RCOR3: variants seen among roughly 807,000 people sequenced by gnomAD.
The protein encoded by RCOR3 is REST corepressor 3.
Under a neutral mutation model 64.1 loss-of-function variants are expected in RCOR3, and 13 were observed. That is an observed-to-expected ratio of 0.20 (90% CI 0.13 to 0.32). The LOEUF is 0.32. Among genes scored for constraint, RCOR3 ranks in the 10% least tolerant of loss-of-function variants. The pLI, the probability that RCOR3 is intolerant of heterozygous loss-of-function variation, is 1.00. For synonymous variants in RCOR3, 215 were observed against 239.0 expected (o/e 0.90, Z 0.93); for missense variants, 489 against 701.2 (o/e 0.70, Z 3.42).
chr1:211,304,216 C>T lies in RCOR3; in HGVS notation c.1075+76C>T, dbSNP rs535828250. On this transcript the variant is annotated intron_variant, in intron 10 of 11. Coordinates refer to ENST00000419091, the MANE Select transcript of RCOR3 (RefSeq NM_001136223.3). The stretch of plus-strand genomic sequence containing the variant: ...TGAAAGGTGACTACTCTAGTTCTTC[C>T]CTTCCTTTAGAAATTGATCAAGAAA... 5 of 1,054,866 alleles carry T rather than the reference C, an allele frequency of 4.7e-6. No homozygotes were observed. The South Asian group carries it at 9.3e-5, about 20-fold the overall frequency. 65.3% of individuals were successfully genotyped at this position (1,054,866 alleles called of 1,614,324 possible). A position where few individuals can be genotyped will look rare whatever the true frequency, so the allele number is the denominator to read the frequency against.
At chr1:211,284,889 A>T (rs1698318110) in intron 7 of RCOR3, among the ~76,000 whole-genome samples, 1 of 152,194 alleles carries the variant, frequency 6.6e-6, no homozygotes, top group African/African-American at 2.4e-5. Flanking sequence ...TTTATTTTAT[A>T]TGAGGCTTAC....
At chr1:211,282,737 G>T (rs1340525062) in intron 7 of RCOR3, among the ~76,000 whole-genome samples, 1 of 152,138 alleles carries the variant, frequency 6.6e-6, no homozygotes, top group East Asian at 1.9e-4. Flanking sequence ...GACCTCAGGT[G>T]ATCCACCTGC....
Position 211,259,429 on chromosome 1 carries a change from C to T in RCOR3, c.-132C>T, listed in dbSNP as rs1693765527. Reference sequence around the variant, plus strand: ...GGTTATGGCGGCTCCATATTAACAGCCTCCTCCTCCTCCGCCGCCGCCGCC... The same window carrying T: ...GGTTATGGCGGCTCCATATTAACAGTCTCCTCCTCCTCCGCCGCCGCCGCC... On this transcript the variant is annotated 5_prime_UTR_variant, in exon 1 of 12. Coordinates refer to ENST00000419091, the MANE Select transcript of RCOR3 (RefSeq NM_001136223.3). The T allele has an allele frequency of 3.5e-6, 3 of 862,376 alleles. No homozygotes were observed. Among genetic ancestry groups the T allele is most frequent in the Non-Finnish European group, 5.2e-6 (3 of 575,496 alleles). 53.4% of individuals were successfully genotyped at this position (862,376 alleles called of 1,614,324 possible). A position where few individuals can be genotyped will look rare whatever the true frequency, so the allele number is the denominator to read the frequency against.
chr1:211,300,906 A>G (rs4027091), intron 9 of RCOR3, among the ~76,000 whole-genome samples: 145,226 of 151,920 alleles, frequency 0.96, 69,473 homozygotes, highest in East Asian at 1. Flanking sequence ...TCTAGTGTGT[A>G]TGCGTGCGTG....
At chr1:211,309,057 C>T (rs1255701000) in intron 10 of RCOR3, among the ~76,000 whole-genome samples, 2 of 131,738 alleles carry the variant, frequency 1.5e-5, no homozygotes, top group African/African-American at 5.8e-5. Context: ...CCAAAGGTAG[C>T]TATCCATGCT....
intron 2 of RCOR3, among the ~76,000 whole-genome samples, chr1:211,262,102 A>T (rs1694426184): frequency 8.8e-6 from 1 of 113,912 alleles, no homozygotes; most frequent in South Asian, 3.4e-4. Context: ...CAGTGGCGTA[A>T]TCTCGGCTCA....
chr1:211,259,972 C>G (rs1164671016), intron 1 of RCOR3, 136 bp from the exon 2 acceptor site: 1 of 1,373,084 alleles, frequency 7.3e-7, no homozygotes, highest in Admixed American at 3.2e-5. Context: ...CCCGGAGTGC[C>G]CCGAGTTGAT....
intron 2 of RCOR3, 50 bp downstream of exon 2, chr1:211,260,214 G>A: frequency 6.4e-7 from 1 of 1,566,392 alleles, no homozygotes; most frequent in Non-Finnish European, 8.8e-7. Context: ...CCTGGGCTTG[G>A]TTTGGGGTGG....
intron 2 of RCOR3, 86 bp downstream of exon 2, chr1:211,260,250 C>G: frequency 7.8e-7 from 1 of 1,281,688 alleles, no homozygotes; most frequent in South Asian, 1.2e-5. Context: ...GGGCATGGGG[C>G]CGGGAGGGGA....
intron 8 of RCOR3, among the ~76,000 whole-genome samples, chr1:211,294,367 G>GT (rs1254662835): frequency 1.3e-5 from 2 of 151,246 alleles, no homozygotes; most frequent in South Asian, 2.1e-4. Flanking sequence ...CAACCTTCAG[G>GT]TTTTTTTTCA....
At chr1:211,283,655 G>GT (rs1436389583) in intron 7 of RCOR3, among the ~76,000 whole-genome samples, 5 of 151,886 alleles carry the variant, frequency 3.3e-5, no homozygotes, top group Admixed American at 6.6e-5. Flanking sequence ...TTTTTGTTTT[G>GT]TTTTTTTAGA....
rs904915944 is a variant in RCOR3 at position 211,262,416 on chromosome 1, T to A, written c.223+2252T>A. Among the ~76,000 whole-genome samples, 20 of 152,202 alleles carry A rather than the reference T, an allele frequency of 1.3e-4. 1 individual carries two copies. Among genetic ancestry groups the A allele is most frequent in the Middle Eastern group, 3.2e-3 (1 of 316 alleles). On this transcript the variant is annotated intron_variant, in intron 2 of 11. Transcript: ENST00000419091. Reference sequence around the variant, plus strand: ...CTATAAACATTAAAATTTGTAATTATGAAGAATTATTCTGGATATATTCAC... The same window carrying A: ...CTATAAACATTAAAATTTGTAATTAAGAAGAATTATTCTGGATATATTCAC...
intron 7 of RCOR3, among the ~76,000 whole-genome samples, chr1:211,285,486 A>G (rs906173797): frequency 1.3e-5 from 2 of 152,206 alleles, no homozygotes; most frequent in African/African-American, 4.8e-5. Context: ...CCTAGCCTTG[A>G]AAGTTACTCA....
At position 211,291,737 on chromosome 1, in the gene RCOR3, T is replaced by C. The variant is rs548039537; in HGVS notation, c.939+2341T>C. The C allele has an allele frequency of 5.4e-4, 193 of 356,882 alleles. 1 individual carries two copies. Among genetic ancestry groups the C allele is most frequent in the Non-Finnish European group, 9.1e-4 (166 of 182,698 alleles). The allele number at this position is 356,882 out of a possible 1,614,324, so 22.1% of individuals were successfully genotyped here. A position where few individuals can be genotyped will look rare whatever the true frequency, so the allele number is the denominator to read the frequency against. ...TAACATAGGCCACATTTGCTTCCTCTGCTTTCTTACCAAAACTTATTCTCC... is the reference window on the plus strand; with the variant it reads ...TAACATAGGCCACATTTGCTTCCTCCGCTTTCTTACCAAAACTTATTCTCC... On this transcript the variant is annotated intron_variant, in intron 8 of 11. Transcript: ENST00000419091.
At chr1:211,292,009 C>T (rs1032968377) in intron 8 of RCOR3, among the ~76,000 whole-genome samples, 1 of 152,018 alleles carries the variant, frequency 6.6e-6, no homozygotes, top group Non-Finnish European at 1.5e-5. Flanking sequence ...TAGTGTAGTC[C>T]TAGCAACACA....
Position 211,285,069 on chromosome 1 carries a change from C to A in RCOR3, c.721-4109C>A, listed in dbSNP as rs577570643. ...AGTGTGTACCTTGGTTATTCTTGGACCTTTGCTCTTCATAACTTATTTGTA... is the reference window on the plus strand; with the variant it reads ...AGTGTGTACCTTGGTTATTCTTGGAACTTTGCTCTTCATAACTTATTTGTA... On this transcript the variant is annotated intron_variant, in intron 7 of 11. Transcript: ENST00000419091. Among the ~76,000 whole-genome samples, 194 of 152,154 alleles carry A rather than the reference C, an allele frequency of 1.3e-3. 1 individual carries two copies. Among genetic ancestry groups the A allele is most frequent in the African/African-American group, 4.5e-3 (185 of 41,478 alleles).
At chr1:211,266,543 T>C (rs1485535516) in intron 2 of RCOR3, among the ~76,000 whole-genome samples, 1 of 152,220 alleles carries the variant, frequency 6.6e-6, no homozygotes, top group Non-Finnish European at 1.5e-5. Flanking sequence ...CTATAGTCTT[T>C]TAAAATTATG....
rs1701693160 is a variant in RCOR3 at position 211,313,500 on chromosome 1, C to G, written c.1394C>G (p.Pro465Arg). ...APSSTPTPTAPIATLNQPPPL... is the reference protein window; with the variant it reads ...APSSTPTPTARIATLNQPPPL... ...TCATCCACTCCAACACCAACAGCCCCTATTGCCACTCTGAACCAGCCTCCA... is the reference window on the plus strand; with the variant it reads ...TCATCCACTCCAACACCAACAGCCCGTATTGCCACTCTGAACCAGCCTCCA... Residue 465 changes from proline to arginine, a missense_variant, in exon 12 of 12, where the codon CCT (proline) becomes CGT (arginine). By Grantham distance (103) the Pro-to-Arg change is moderately radical. Transcript: ENST00000419091. This position sits in a 1 kb window ranked among gnomAD's most constrained non-coding sequence, Gnocchi z 4.7. The G allele has an allele frequency of 6.2e-7, 1 of 1,614,054 alleles. No homozygotes were observed. Among genetic ancestry groups the G allele is most frequent in the Admixed American group, 1.7e-5 (1 of 59,998 alleles).
At chr1:211,275,390 T>G (rs578127402) in intron 4 of RCOR3, among the ~76,000 whole-genome samples, 1 of 152,224 alleles carries the variant, frequency 6.6e-6, no homozygotes, top group Middle Eastern at 3.4e-3. Context: ...AGCCTTGTCT[T>G]TCTGTTTAAT....
Sources: allele counts gnomAD v4.1 joint callset (sites outside exome capture counted in the v4.1 genomes callset), GRCh38; gene constraint gnomAD v4.1.1; non-coding constraint Gnocchi (gnomAD v3.1); transcripts MANE v1.5; gene names NCBI Gene and HGNC (gene_info 2026-07-23, HGNC 2026-07-21).